IL20RA: variants seen among roughly 807,000 people sequenced by gnomAD.
IL20RA encodes the protein interleukin-20 receptor subunit alpha.
IL20RA carries 29 observed loss-of-function variants against 36.5 expected under a neutral mutation model. The ratio of observed to expected loss-of-function variants is 0.79; its 90% CI spans 0.59 to 1.08. The LOEUF is 1.08. Ranked by LOEUF, IL20RA falls within the 50% of genes least tolerant of loss-of-function variation. The pLI, the probability that IL20RA is intolerant of heterozygous loss-of-function variation, is 0.00. For synonymous variants in IL20RA, 279 were observed against 267.1 expected (o/e 1.04, Z -0.43); for missense variants, 652 against 668.4 (o/e 0.98, Z 0.27).
At chr6:137,040,479 C>T (rs1240172715) in intron 1 of IL20RA, among the ~76,000 whole-genome samples, 1 of 151,918 alleles carries the variant, frequency 6.6e-6, no homozygotes, top group African/African-American at 2.4e-5. Context: ...AATTCCAGGC[C>T]TGGGGCAGGG....
At chr6:137,027,045 G>A (rs1562238987) in intron 1 of IL20RA, among the ~76,000 whole-genome samples, 1 of 151,996 alleles carries the variant, frequency 6.6e-6, no homozygotes, top group Non-Finnish European at 1.5e-5. Flanking sequence ...ACCACGCCCA[G>A]CTAATTTTTG....
chr6:137,039,846 T>C (rs276509), intron 1 of IL20RA, among the ~76,000 whole-genome samples: 73,050 of 151,942 alleles, frequency 0.48, 19,998 homozygotes, highest in African/African-American at 0.75. Flanking sequence ...GCCCCAAATG[T>C]CACAAACAAA....
At chr6:137,027,054 T>C (rs1776114951) in intron 1 of IL20RA, among the ~76,000 whole-genome samples, 1 of 152,092 alleles carries the variant, frequency 6.6e-6, no homozygotes, top group African/African-American at 2.4e-5. Flanking sequence ...AGCTAATTTT[T>C]GTATTTTTAG....
intron 1 of IL20RA, among the ~76,000 whole-genome samples, chr6:137,023,521 GA>G (rs1775982636): frequency 6.6e-6 from 1 of 152,198 alleles, no homozygotes; most frequent in Non-Finnish European, 1.5e-5. Flanking sequence ...CTGCTGAAGG[GA>G]GAAAAGACTG....
Position 137,004,610 on chromosome 6 carries a change from C to A in IL20RA, c.864+11G>T, listed in dbSNP as rs186620771. The A allele has an allele frequency of 2.3e-5, 37 of 1,613,254 alleles. No individual in the cohort carries two copies. In the African/African-American group the frequency reaches 3.7e-4, roughly 16 times the overall value. ...ATTATAATAAAGAACCCTGCCACAC[C>A]AAGTACTCACCAAATTTGCTGGGTG... On this transcript the variant is annotated intron_variant, in intron 6 of 6. Coordinates refer to ENST00000316649, the MANE Select transcript of IL20RA (RefSeq NM_014432.4).
chr6:137,027,507 A>T (rs1417559382), intron 1 of IL20RA, among the ~76,000 whole-genome samples: 1 of 152,190 alleles, frequency 6.6e-6, no homozygotes. Context: ...CTAGGGTCAC[A>T]CTGGAGCCTA....
intron 2 of IL20RA, 138 bp downstream of exon 2, chr6:137,016,830 G>C: frequency 1.2e-6 from 1 of 812,098 alleles, no homozygotes; most frequent in African/African-American, 1.8e-5. Flanking sequence ...AAAACATCCA[G>C]AAAACTTAAC....
rs781457629 is a variant in IL20RA, at chr6:137,002,100, C to T, written c.1120G>A (p.Glu374Lys). The change falls in exon 7 of 7, where the codon GAA (glutamate) becomes AAA (lysine). Residue 374 changes from glutamate (E) to lysine (K), a missense_variant. Transcript: ENST00000316649. Reference sequence around the variant, plus strand: ...AGAGAAGTACCTTCCGTGTTTTCTTCAGAGTCACAAAAAATTTCCATCAAA... The same window carrying T: ...AGAGAAGTACCTTCCGTGTTTTCTTTAGAGTCACAAAAAATTTCCATCAAA... ...SHLMEIFCDS[E>K]ENTEGTSLTQ... 6.6e-5 allele frequency: 106 copies of T among 1,614,040 alleles called. No individual in the cohort carries two copies. The highest frequency in any genetic ancestry group is 7.7e-5 in the Non-Finnish European group (91 of 1,180,050).
At chr6:137,029,897 A>C (rs917084146) in intron 1 of IL20RA, among the ~76,000 whole-genome samples, 1 of 151,498 alleles carries the variant, frequency 6.6e-6, no homozygotes, top group African/African-American at 2.4e-5. Context: ...TTTCAGAAGG[A>C]AAGTCAACAA....
At chr6:137,005,445 G>A (rs1416911254) in intron 5 of IL20RA, among the ~76,000 whole-genome samples, 1 of 152,118 alleles carries the variant, frequency 6.6e-6, no homozygotes, top group Non-Finnish European at 1.5e-5. Context: ...CTGGGAAATC[G>A]TTTTAATAAA....
Position 137,011,466 on chromosome 6 carries a change from A to G in IL20RA, c.225-14T>C, listed in dbSNP as rs777629614. On this transcript the variant is annotated splice_polypyrimidine_tract_variant and intron_variant, in intron 2 of 6. Transcript: ENST00000316649. ...TTTTGCCCATATCTGCTAAGAAAGA[A>G]GCTGAATTAATAATGAGGTGCCCTC... is the stretch of plus-strand genomic sequence containing the variant. The G allele has an allele frequency of 5.0e-6, 8 of 1,592,744 alleles. No homozygotes were observed. Among genetic ancestry groups the G allele is most frequent in the Non-Finnish European group, 6.9e-6 (8 of 1,165,290 alleles).
At chr6:137,002,996 G>C (rs1044202086) in intron 6 of IL20RA, among the ~76,000 whole-genome samples, 7 of 152,304 alleles carry the variant, frequency 4.6e-5, no homozygotes, top group African/African-American at 1.4e-4. Context: ...GCTCAGATGA[G>C]ATTAAAATAT....
chr6:137,025,965 GTGGCTGAGGCATTTAGACTTTCCCA>G (rs1184593011), intron 1 of IL20RA, among the ~76,000 whole-genome samples: 2 of 152,214 alleles, frequency 1.3e-5, no homozygotes, highest in Non-Finnish European at 2.9e-5. Context: ...CCTCTCTTTT[GTGGCTGAGGCATTTAGACTTTCCCA>G]TTATGGCCAG....
At chr6:137,034,719 T>C (rs992162754) in intron 1 of IL20RA, among the ~76,000 whole-genome samples, 1 of 151,864 alleles carries the variant, frequency 6.6e-6, no homozygotes, top group African/African-American at 2.4e-5. Context: ...GGCGGGCAGA[T>C]CACAAGGTCA....
intron 2 of IL20RA, among the ~76,000 whole-genome samples, chr6:137,012,136 G>A (rs1473402173): frequency 6.6e-6 from 1 of 152,142 alleles, no homozygotes; most frequent in Non-Finnish European, 1.5e-5. Flanking sequence ...GCCAGTGAAA[G>A]GGACAGGGGA....
At chr6:137,034,340 C>G (rs1776401492) in intron 1 of IL20RA, among the ~76,000 whole-genome samples, 1 of 152,148 alleles carries the variant, frequency 6.6e-6, no homozygotes, top group South Asian at 2.1e-4. Flanking sequence ...GATAGCAGGA[C>G]TTAGCTTTAT....
At chr6:137,029,065 T>G (rs1776187261) in intron 1 of IL20RA, among the ~76,000 whole-genome samples, 1 of 152,220 alleles carries the variant, frequency 6.6e-6, no homozygotes, top group Non-Finnish European at 1.5e-5. Flanking sequence ...AGGGAGCTTA[T>G]GAAATTCATT....
intron 1 of IL20RA, among the ~76,000 whole-genome samples, chr6:137,041,327 GT>G (rs1244369327): frequency 6.6e-6 from 1 of 152,224 alleles, no homozygotes; most frequent in African/African-American, 2.4e-5. Flanking sequence ...AAGGTCTATA[GT>G]TTAGTGAGTA....
chr6:137,001,841 AG>A lies in IL20RA; in HGVS notation c.1378del (p.Leu460TrpfsTer114). The A allele has an allele frequency of 1.2e-6, 2 of 1,613,460 alleles. No individual in the cohort carries two copies. The highest frequency in any genetic ancestry group is 1.7e-6 in the Non-Finnish European group (2 of 1,179,660). On this transcript the variant is annotated frameshift_variant, in exon 7 of 7. Transcript: ENST00000316649. LOFTEE classifies it low-confidence loss of function (END_TRUNC). ...YTPQLQDLDP[L>X]AQEHTDSEEG... ...CTCCGAGTCTGTGTGCTCCTGCGCC[AG>A]GGGGTCTAAGTCTTGGAGCTGAGGG...
Sources: allele counts gnomAD v4.1 joint callset (sites outside exome capture counted in the v4.1 genomes callset), GRCh38; gene constraint gnomAD v4.1.1; transcripts MANE v1.5; gene names NCBI Gene and HGNC (gene_info 2026-07-23, HGNC 2026-07-21).